Variants in CMTM7 observed in about 807,000 individuals in gnomAD.
CMTM7 encodes the protein CKLF like MARVEL transmembrane domain containing 7.
A neutral mutation model predicts 19.3 loss-of-function variants in CMTM7; 7 were observed. That is an observed-to-expected ratio of 0.36 (90% confidence interval 0.21 to 0.68). The LOEUF (loss-of-function observed/expected upper bound fraction) is 0.68. CMTM7 is among the 30% of genes least tolerant of loss of function. The pLI is 0.60. For synonymous variants in CMTM7, 87 were observed against 99.3 expected, an observed-to-expected ratio of 0.88 and a Z score of 0.74; for missense variants, 193 against 232.6, an observed-to-expected ratio of 0.83 and a Z score of 1.11.
intron 1 of CMTM7, among the ~76,000 whole-genome samples, chr3:32,419,499 T>G (rs562077876): frequency 6.6e-6 from 1 of 152,282 alleles, no homozygotes; most frequent in South Asian, 2.1e-4. Flanking sequence ...TAGCTGTGGG[T>G]TGGTTTTTAG....
intron 1 of CMTM7, among the ~76,000 whole-genome samples, chr3:32,416,481 C>T (rs373677336): frequency 1.9e-4 from 23 of 118,676 alleles, no homozygotes; most frequent in African/African-American, 5.9e-4. Context: ...AGCTCCGCTT[C>T]CCGGGTTCAC....
At chr3:32,423,869 G>C (rs114138934) in intron 1 of CMTM7, among the ~76,000 whole-genome samples, 1 of 152,178 alleles carries the variant, frequency 6.6e-6, no homozygotes, top group Non-Finnish European at 1.5e-5. Context: ...ACCTGTGCCC[G>C]TCACTGTCCT....
chr3:32,430,624 G>A (rs1559410216), intron 1 of CMTM7, among the ~76,000 whole-genome samples: 1 of 151,398 alleles, frequency 6.6e-6, no homozygotes, highest in East Asian at 1.9e-4. Context: ...TGGGATGTGC[G>A]CTTAGTAGCC....
chr3:32,402,555 GTTTAT>G (rs1228586459), intron 1 of CMTM7, among the ~76,000 whole-genome samples: 8 of 152,014 alleles, frequency 5.3e-5, no homozygotes, highest in African/African-American at 1.4e-4. Flanking sequence ...ATTCTATTTT[GTTTAT>G]TTTATTTTAT....
In CMTM7 at chr3:32,392,057, G is replaced by T. The variant is rs1201538395; in HGVS notation, c.151G>T (p.Ala51Ser). 1 of 1,234,812 alleles carries T rather than the reference G, an allele frequency of 8.1e-7. No homozygotes were observed. The highest frequency in any genetic ancestry group is 3.2e-5 in the East Asian group (1 of 31,638). The allele number at this position is 1,234,812 out of a possible 1,614,324, so 76.5% of individuals were successfully genotyped here. A position where few individuals can be genotyped will look rare whatever the true frequency, so the allele number is the denominator to read the frequency against. ...CACCCACGCGGCCCTGCTGAAAGTG[G>T]CGCAAATGGTAAGTGAGCGCGGGGC... ...PRTHAALLKV[A>S]QMVTLLIAFI... The change falls in exon 1 of 5, where the codon GCG becomes TCG. Residue 51 changes from alanine to serine, a missense_variant. Physicochemically the swap from Ala to Ser is moderately conservative, Grantham distance 99. Transcript: ENST00000334983.
At chr3:32,431,066 G>A (rs1559410405) in intron 1 of CMTM7, among the ~76,000 whole-genome samples, 1 of 152,210 alleles carries the variant, frequency 6.6e-6, no homozygotes, top group South Asian at 2.1e-4. Context: ...TACGTTCAGG[G>A]GTGACAGACA....
At chr3:32,410,165 C>A (rs1332199225) in intron 1 of CMTM7, among the ~76,000 whole-genome samples, 2 of 152,206 alleles carry the variant, frequency 1.3e-5, no homozygotes, top group African/African-American at 4.8e-5. Context: ...TACCATCACT[C>A]TATCCTGTTT....
At chr3:32,450,891 G>A (rs1055752478) in intron 3 of CMTM7, 2 of 152,234 alleles carry the variant, frequency 1.3e-5, no homozygotes, top group African/African-American at 4.8e-5. Context: ...CCTGGGCTAT[G>A]AGGAAGTTAG....
chr3:32,407,749 TC>T (rs1320203859), intron 1 of CMTM7, among the ~76,000 whole-genome samples: 1 of 152,188 alleles, frequency 6.6e-6, no homozygotes, highest in African/African-American at 2.4e-5. Flanking sequence ...ATAACATGCA[TC>T]CCCTGGGCCT....
intron 1 of CMTM7, among the ~76,000 whole-genome samples, chr3:32,395,073 T>C (rs1695895725): frequency 6.6e-6 from 1 of 151,520 alleles, no homozygotes; most frequent in African/African-American, 2.4e-5. Context: ...GGTGTTATCA[T>C]GGCTTACTGC....
At chr3:32,393,996 A>G (rs1329147655) in intron 1 of CMTM7, among the ~76,000 whole-genome samples, 1 of 152,186 alleles carries the variant, frequency 6.6e-6, no homozygotes, top group African/African-American at 2.4e-5. Flanking sequence ...TAATTTCTTT[A>G]TCTGGTTGCT....
intron 1 of CMTM7, among the ~76,000 whole-genome samples, chr3:32,405,234 G>T (rs1237524187): frequency 2.6e-5 from 4 of 152,358 alleles, no homozygotes; most frequent in South Asian, 4.1e-4. Flanking sequence ...ACTGTGAGAA[G>T]ATAAATGAAT....
At chr3:32,443,889 T>C (rs1240396937) in intron 2 of CMTM7, among the ~76,000 whole-genome samples, 1 of 152,234 alleles carries the variant, frequency 6.6e-6, no homozygotes, top group Non-Finnish European at 1.5e-5. Context: ...TCGAGTCCTT[T>C]GCCTATTTTT....
chr3:32,452,858 C>G (rs1380442304), intron 4 of CMTM7, among the ~76,000 whole-genome samples: 1 of 150,016 alleles, frequency 6.7e-6, no homozygotes, highest in African/African-American at 2.5e-5. Flanking sequence ...TCAAGTGATC[C>G]TCCAACCTCA....
At chr3:32,416,581 G>C (rs1029630516) in intron 1 of CMTM7, among the ~76,000 whole-genome samples, 1 of 151,026 alleles carries the variant, frequency 6.6e-6, no homozygotes, top group East Asian at 1.9e-4. Context: ...TAGTAGAGAC[G>C]GGGTTTCGCC....
intron 4 of CMTM7, among the ~76,000 whole-genome samples, chr3:32,453,026 C>T (rs954100000): frequency 1.4e-5 from 2 of 144,550 alleles, no homozygotes; most frequent in Admixed American, 7.3e-5. Flanking sequence ...CCACCTCAGC[C>T]TCTGAAAGTG....
intron 1 of CMTM7, among the ~76,000 whole-genome samples, chr3:32,441,480 G>A (rs1696674583): frequency 6.6e-6 from 1 of 152,148 alleles, no homozygotes; most frequent in Admixed American, 6.5e-5. Flanking sequence ...TCACCATCAC[G>A]CTGTCCTCTT....
chr3:32,437,701 G>A (rs1436895715), intron 1 of CMTM7, among the ~76,000 whole-genome samples: 2 of 151,770 alleles, frequency 1.3e-5, no homozygotes, highest in Non-Finnish European at 1.5e-5. Context: ...GACTCTCCTG[G>A]CCAACATGGT....
chr3:32,444,908 G>A (rs1696732184), intron 2 of CMTM7, among the ~76,000 whole-genome samples: 2 of 152,106 alleles, frequency 1.3e-5, no homozygotes, highest in African/African-American at 2.4e-5. Flanking sequence ...GAGCCACTGT[G>A]CCTGGCCTGA....
Sources: allele counts gnomAD v4.1 joint callset (sites outside exome capture counted in the v4.1 genomes callset), GRCh38; gene constraint gnomAD v4.1.1; transcripts MANE v1.5; gene names NCBI Gene and HGNC (gene_info 2026-07-23, HGNC 2026-07-21).